TRPV1: variants seen among roughly 807,000 people sequenced by gnomAD.
TRPV1 encodes transient receptor potential cation channel subfamily V member 1, also known as OTRPC1.
Under a neutral mutation model 82.3 loss-of-function variants are expected in TRPV1, and 82 were observed. The ratio of observed to expected loss-of-function variants is 1.00; its 90% confidence interval spans 0.83 to 1.20. The LOEUF is 1.20. Among genes scored for constraint, TRPV1 ranks in the 50% most tolerant of loss-of-function variants. The pLI, the probability that TRPV1 is intolerant of heterozygous loss-of-function variation, is 0.00. For synonymous variants in TRPV1, 515 were observed against 467.7 expected, an observed-to-expected ratio of 1.10 and a Z score of -1.30; for missense variants, 1,067 against 1,096.8, an observed-to-expected ratio of 0.97 and a Z score of 0.38.
chr17:3,576,668 A>AAAAAAAATATATATATAT, intron 13 of TRPV1, among the ~76,000 whole-genome samples: 28 of 38,398 alleles, frequency 7.3e-4, no homozygotes, highest in Admixed American at 2.2e-3. Flanking sequence ...AAAAAAAAAA[A>AAAAAAAATATATATATAT]ATATATATAT....
At chr17:3,590,219 A>G (rs1214902142) in intron 6 of TRPV1, 33 bp downstream of exon 6, 9 of 1,607,812 alleles carry the variant, frequency 5.6e-6, no homozygotes, top group Admixed American at 1.7e-5. Context: ...GCAAAAGCCA[A>G]AAAGATCAGG....
rs1567671368 is a variant in TRPV1, at chr17:3,591,279, T to G, written c.359A>C (p.Glu120Ala). ...CTGGCAGTTATTCTGAGCAACGGCT[T>G]CAAAGATACTCCTGCGATCATAGAG... ...LRLYDRRSIF[E>A]AVAQNNCQDL... Residue 120 changes from glutamate to alanine, a missense_variant, in exon 4 of 17, where the codon GAA (glutamate) becomes GCA (alanine). By Grantham distance (107) the Glu-to-Ala change is moderately radical (BLOSUM62 -1). Coordinates refer to ENST00000572705, the MANE Select transcript of TRPV1 (RefSeq NM_080704.4). The G allele has an allele frequency of 6.2e-7, 1 of 1,612,960 alleles. No individual in the cohort carries two copies. The highest frequency in any genetic ancestry group is 1.7e-5 in the Admixed American group (1 of 59,896).
intron 2 of TRPV1, chr17:3,592,719 G>A: frequency 8.3e-6 from 2 of 241,388 alleles, no homozygotes; most frequent in Non-Finnish European, 1.6e-5. Context: ...TCTGCAGGGT[G>A]AGGTTGATAA....
chr17:3,579,118 C>T (rs1202985455), intron 11 of TRPV1, among the ~76,000 whole-genome samples: 1 of 152,098 alleles, frequency 6.6e-6, no homozygotes, highest in African/African-American at 2.4e-5. Flanking sequence ...ACCCCCAGAC[C>T]TCAGCATCAT....
intron 2 of TRPV1, among the ~76,000 whole-genome samples, chr17:3,594,221 T>C (rs2075197725): frequency 2.0e-5 from 3 of 151,026 alleles, no homozygotes; most frequent in Admixed American, 6.6e-5. Flanking sequence ...ACCCTTCTAA[T>C]TGCCATTTCC....
At chr17:3,577,333 G>A in intron 12 of TRPV1, 141 bp from the exon 13 acceptor site, 3 of 961,792 alleles carry the variant, frequency 3.1e-6, no homozygotes, top group Non-Finnish European at 1.6e-6. Flanking sequence ...CAGGGGTCAT[G>A]AGGGAGTCAC....
In TRPV1 at chr17:3,593,300, T is replaced by C. The variant is rs1241584596; in HGVS notation, c.-33-917A>G. On this transcript the variant is annotated intron_variant, in intron 2 of 16. Transcript: ENST00000572705. The stretch of plus-strand genomic sequence containing the variant: ...GCGTGGCTAATGTTTGTATTTTTAG[T>C]AGAGACAGGGAACGTTTAGGCTTTA... Among the ~76,000 whole-genome samples the C allele has an allele frequency of 2.6e-5, 4 of 152,132 alleles. No homozygotes were observed. The East Asian group carries it at 7.7e-4, about 29-fold the overall frequency.
At chr17:3,596,162 G>T (rs1041283784) in intron 2 of TRPV1, among the ~76,000 whole-genome samples, 1 of 152,178 alleles carries the variant, frequency 6.6e-6, no homozygotes, top group Admixed American at 6.5e-5. Flanking sequence ...CAGAGACGTG[G>T]TATGATCTGA....
intron 2 of TRPV1, among the ~76,000 whole-genome samples, chr17:3,596,200 G>T (rs2075218206): frequency 6.6e-6 from 1 of 152,154 alleles, no homozygotes; most frequent in Non-Finnish European, 1.5e-5. Context: ...AGCCAGAACA[G>T]ATACTGCCTA....
chr17:3,582,233 A>G (rs1373316188), intron 10 of TRPV1, among the ~76,000 whole-genome samples: 5 of 144,872 alleles, frequency 3.5e-5, no homozygotes, highest in Non-Finnish European at 7.5e-5. Context: ...GAGCCTGGGC[A>G]TGGTGATGGC....
chr17:3,592,614 G>A (rs972679449), intron 2 of TRPV1: 24 of 524,200 alleles, frequency 4.6e-5, no homozygotes, highest in East Asian at 2.6e-4. Context: ...GGCCACTGAC[G>A]TCGGCCTGGG....
At chr17:3,595,586 A>G (rs2075211763) in intron 2 of TRPV1, 1 of 152,266 alleles carries the variant, frequency 6.6e-6, no homozygotes, top group Non-Finnish European at 1.5e-5. Context: ...TGGCTGTCCC[A>G]GGGATGTCTA....
At chr17:3,581,752 GCACGCACC>G (rs2075015469) in intron 10 of TRPV1, among the ~76,000 whole-genome samples, 1 of 145,318 alleles carries the variant, frequency 6.9e-6, no homozygotes, top group Non-Finnish European at 1.5e-5. Flanking sequence ...GGGCGCGGTG[GCACGCACC>G]TGTAGTCCCA....
At chr17:3,593,843 G>T (rs1412669305) in intron 2 of TRPV1, among the ~76,000 whole-genome samples, 1 of 152,158 alleles carries the variant, frequency 6.6e-6, no homozygotes, top group Non-Finnish European at 1.5e-5. Flanking sequence ...AAGCTGTACT[G>T]GCCTGGGCGC....
Position 3,566,767 on chromosome 17 carries a change from C to T in TRPV1, c.*48G>A, listed in dbSNP as rs750848361. On this transcript the variant is annotated 3_prime_UTR_variant, in exon 17 of 17. Transcript: ENST00000572705. ...TTCCCTCAGCAGCCCCCCGTGGCAA[C>T]GGGGTCTCCTAAGGCCCAGTGTTGA... The T allele has an allele frequency of 5.7e-6, 9 of 1,588,880 alleles. No homozygotes were observed. The highest frequency in any genetic ancestry group is 4.6e-5 in the South Asian group (4 of 87,798).
At chr17:3,598,585 A>G (rs1424080907) in intron 2 of TRPV1, among the ~76,000 whole-genome samples, 2 of 69,306 alleles carry the variant, frequency 2.9e-5, no homozygotes, top group Non-Finnish European at 5.1e-5. Context: ...TTTTTTTTTT[A>G]GATGGTGTCT....
At position 3,591,186 on chromosome 17, in the gene TRPV1, C is replaced by T. The variant is rs748786973; in HGVS notation, c.451+1G>A. ...CTCCCCGAGCCCAGCGCTGGGGCCA[C>T]CTTTGAACTCGTTGTCTGTGAGGTG... On this transcript the variant is annotated splice_donor_variant, in intron 4 of 16. Coordinates refer to ENST00000572705, the MANE Select transcript of TRPV1 (RefSeq NM_080704.4). LOFTEE classifies it high-confidence loss of function. 9.9e-6 allele frequency: 16 copies of T among 1,609,198 alleles called. No individual in the cohort carries two copies. In the South Asian group the frequency reaches 1.6e-4, roughly 16 times the overall value.
chr17:3,601,288 C>G (rs540713116), intron 2 of TRPV1, among the ~76,000 whole-genome samples: 1 of 152,164 alleles, frequency 6.6e-6, no homozygotes, highest in Non-Finnish European at 1.5e-5. Context: ...TCCCACAACC[C>G]CTCACCTCCA....
rs528118400 is a variant in TRPV1 at position 3,581,976 on chromosome 17, G to C, written c.1476+1362C>G. 3.4e-5 allele frequency among the ~76,000 whole-genome samples: 5 copies of C among 147,660 alleles called. No individual in the cohort carries two copies. The East Asian group carries it at 6.1e-4, about 18-fold the overall frequency. On this transcript the variant is annotated intron_variant, in intron 10 of 16. Transcript: ENST00000572705. ...GAGGCCAAGGTGGGCGGATCACGAG[G>C]TCAGGAGATCGAGACCATCCTGGCT...
Sources: gnomAD v4.1 joint callset for allele counts (sites outside exome capture counted in the v4.1 genomes callset) on GRCh38, gnomAD v4.1.1 for gene constraint, MANE v1.5 for transcripts, NCBI Gene and HGNC (gene_info 2026-07-23, HGNC 2026-07-21) for gene names.